Variants in KANK1 observed in about 807,000 individuals in gnomAD.
KANK1 encodes KN motif and ankyrin repeat domains 1.
KANK1 carries 109 observed loss-of-function variants against 106.2 expected under a neutral mutation model. The observed-to-expected ratio is 1.03, with a 90% confidence interval of 0.88 to 1.20. The LOEUF (loss-of-function observed/expected upper bound fraction) is 1.20. KANK1 is among the 50% of genes most tolerant of loss of function. KANK1 has a pLI of 0.00. For synonymous variants in KANK1, 873 were observed against 652.2 expected (o/e 1.34, Z -5.16); for missense variants, 2,399 against 1,710.7 (o/e 1.40, Z -7.10).
At chr9:592,295 T>G (rs1485357191) in intron 1 of KANK1, among the ~76,000 whole-genome samples, 2 of 151,888 alleles carry the variant, frequency 1.3e-5, no homozygotes, top group African/African-American at 2.4e-5. Context: ...TGGCCTTTAA[T>G]CATCTGTGCG....
At chr9:628,578 G>T (rs1240404181) in intron 1 of KANK1, among the ~76,000 whole-genome samples, 1 of 152,140 alleles carries the variant, frequency 6.6e-6, no homozygotes, top group African/African-American at 2.4e-5. Flanking sequence ...CTGCTTGAGG[G>T]CACTTGAACC....
intron 1 of KANK1, among the ~76,000 whole-genome samples, chr9:550,724 C>T (rs932713899): frequency 2.0e-5 from 3 of 152,226 alleles, no homozygotes; most frequent in African/African-American, 4.8e-5. Context: ...AAGCTCTTCA[C>T]TGTAGATGTT....
chr9:657,817 G>A (rs957471397), intron 1 of KANK1, among the ~76,000 whole-genome samples: 13 of 151,926 alleles, frequency 8.6e-5, no homozygotes, highest in African/African-American at 3.1e-4. Context: ...GAACTTTTAT[G>A]TTCTTAATAA....
intron 1 of KANK1, among the ~76,000 whole-genome samples, chr9:550,949 C>T (rs1187055973): frequency 6.6e-6 from 1 of 151,998 alleles, no homozygotes; most frequent in Non-Finnish European, 1.5e-5. Flanking sequence ...TAAATCCAGC[C>T]CTCTTTCTGC....
intron 1 of KANK1, among the ~76,000 whole-genome samples, chr9:585,014 T>G (rs887484950): frequency 2.0e-5 from 3 of 152,160 alleles, no homozygotes; most frequent in Non-Finnish European, 4.4e-5. Context: ...CCTTCCTTAT[T>G]GTTAAACCCA....
intron 1 of KANK1, among the ~76,000 whole-genome samples, chr9:642,074 G>C (rs1347530773): frequency 6.6e-6 from 1 of 152,124 alleles, no homozygotes; most frequent in African/African-American, 2.4e-5. Flanking sequence ...GTTGTAACTG[G>C]AGATAGGATG....
chr9:671,904 C>T (rs1405921852), intron 1 of KANK1, among the ~76,000 whole-genome samples: 6 of 152,022 alleles, frequency 3.9e-5, no homozygotes, highest in East Asian at 1.9e-4. Flanking sequence ...GCTGAGATCG[C>T]GCCACTGCAC....
At chr9:476,551 T>G (rs2058107669) in intron 3 of KANK1, 1 of 152,062 alleles carries the variant, frequency 6.6e-6, no homozygotes, top group African/African-American at 2.4e-5. Flanking sequence ...CCAGGTGTTC[T>G]GGATTCCCAT....
chr9:602,645 C>T lies in KANK1; in HGVS notation c.-83-74245C>T, dbSNP rs193044385. ...CAATGTGTAACTACAGATTCATCAT[C>T]CTATAATAAAGTAACTCTTTTTGCA... On this transcript the variant is annotated intron_variant, in intron 1 of 11. Transcript: ENST00000382297. Among the ~76,000 whole-genome samples the T allele has an allele frequency of 3.1e-3, 473 of 151,904 alleles. 5 individuals are homozygous for T. The highest frequency in any genetic ancestry group is 0.027 in the Middle Eastern group (8 of 292).
At chr9:628,100 A>G (rs937853392) in intron 1 of KANK1, among the ~76,000 whole-genome samples, 1 of 152,222 alleles carries the variant, frequency 6.6e-6, no homozygotes, top group African/African-American at 2.4e-5. Flanking sequence ...CAGTAATCCT[A>G]GAGAGTATTT....
At position 676,871 on chromosome 9, in the gene KANK1, G is replaced by A. The variant is rs1816524298; in HGVS notation, c.-83-19G>A. 2.4e-6 allele frequency: 2 copies of A among 832,238 alleles called. No homozygotes were observed. The highest frequency in any genetic ancestry group is 1.7e-5 in the African/African-American group (1 of 57,890). The allele number at this position is 832,238 out of a possible 1,614,324, so 51.6% of individuals were successfully genotyped here. On this transcript the variant is annotated intron_variant, in intron 1 of 11. Coordinates refer to ENST00000382297, the MANE Select transcript of KANK1 (RefSeq NM_015158.5). ...TTTTTAAATGATCCATTTTGATGGG[G>A]CTCTCTTTATTGTTTCAGGTTGAAT...
chr9:692,713 TG>T (rs1328316506), intron 2 of KANK1, among the ~76,000 whole-genome samples: 14 of 73,608 alleles, frequency 1.9e-4, no homozygotes, highest in African/African-American at 4.8e-4. Context: ...CTTCTGCTTT[TG>T]AAAAAAAAAA....
At chr9:713,743 T>C (rs1217087241) in intron 3 of KANK1, among the ~76,000 whole-genome samples, 2 of 152,204 alleles carry the variant, frequency 1.3e-5, no homozygotes, top group African/African-American at 2.4e-5. Flanking sequence ...CTGGGGCTGC[T>C]AGTTTGGTAA....
At position 481,879 on chromosome 9, in the gene KANK1, A is replaced by G. The variant is rs139963324; in HGVS notation, c.-362+8606A>G. Among the ~76,000 whole-genome samples the G allele has an allele frequency of 1.6e-3, 242 of 152,286 alleles. 2 individuals are homozygous for G. Among genetic ancestry groups the G allele is most frequent in the African/African-American group, 5.5e-3 (227 of 41,564 alleles). On this transcript the variant is annotated intron_variant, in intron 3 of 15. Transcript: ENST00000382303. ...AAATAAAGGATGAACATTCAGCTAA[A>G]TGGAGAGTGTATAGGAGGATAGAGT...
At position 742,297 on chromosome 9, in the gene KANK1, G is replaced by C. The variant is rs892583917; in HGVS notation, c.3789G>C (p.Gln1263His). The change falls in exon 10 of 12, where the codon CAG becomes CAC. Residue 1263 changes from glutamine (Q) to histidine (H), a missense_variant. By Grantham distance (24) the Gln-to-His change is conservative. Coordinates refer to ENST00000382297, the MANE Select transcript of KANK1 (RefSeq NM_015158.5). ...CCTGTGGGGCTGATGTCAACATCCA[G>C]GATGACGAGGGCTCCACGGCCCTCA... ...LLACGADVNI[Q>H]DDEGSTALMC... The C allele has an allele frequency of 1.9e-6, 3 of 1,614,042 alleles. No homozygotes were observed. Among genetic ancestry groups the C allele is most frequent in the Non-Finnish European group, 2.5e-6 (3 of 1,180,004 alleles).
chr9:712,179 C>G lies in KANK1; in HGVS notation c.1413C>G (p.Arg471=), dbSNP rs1023272280. The change falls in exon 3 of 12, where the codon CGC becomes CGG. Residue 471 remains arginine, a synonymous_variant. Transcript: ENST00000382297. The stretch of plus-strand genomic sequence containing the variant: ...AATCCTTGAAGGAAAAGATCTATCG[C>G]CTAGAAGTACAGCTTAGAGAAACCA... ...TIESLKEKIY[R]LEVQLRETTH... The G allele has an allele frequency of 1.9e-6, 3 of 1,613,988 alleles. No individual in the cohort carries two copies. The African/African-American group carries it at 4.0e-5, about 22-fold the overall frequency.
chr9:522,206 T>C (rs551087960), intron 1 of KANK1, among the ~76,000 whole-genome samples: 2 of 151,998 alleles, frequency 1.3e-5, no homozygotes, highest in African/African-American at 4.8e-5. Context: ...CATTTTACGA[T>C]TCTGTTTTCC....
intron 1 of KANK1, among the ~76,000 whole-genome samples, chr9:664,635 A>C (rs149024259): frequency 6.6e-6 from 1 of 152,192 alleles, no homozygotes; most frequent in African/African-American, 2.4e-5. Flanking sequence ...TGCAATAAAC[A>C]TGCAAGTACA....
intron 1 of KANK1, among the ~76,000 whole-genome samples, chr9:518,449 C>T (rs7020386): frequency 0.025 from 3,765 of 151,666 alleles, 274 homozygotes; most frequent in African/African-American, 0.088. Context: ...TTTACCTATA[C>T]TTTTCGGCCA....
Sources: allele counts gnomAD v4.1 joint callset (sites outside exome capture counted in the v4.1 genomes callset), GRCh38; gene constraint gnomAD v4.1.1; transcripts MANE v1.5; gene names NCBI Gene and HGNC (gene_info 2026-07-23, HGNC 2026-07-21).